ASPA: variants seen among roughly 807,000 people sequenced by gnomAD.
The protein encoded by ASPA is aspartoacylase.
ASPA carries 25 observed loss-of-function variants against 29.6 expected under a neutral mutation model. That is an observed-to-expected ratio of 0.85 (90% CI 0.62 to 1.18). ASPA has a LOEUF of 1.18. ASPA is among the 50% of genes most tolerant of loss of function. ASPA has a pLI of 0.00. For synonymous variants in ASPA, 131 were observed against 130.3 expected (o/e 1.01, Z -0.04); for missense variants, 333 against 385.7 (o/e 0.86, Z 1.14).
In ASPA at chr17:3,500,500, C is replaced by CTTATTTT. The variant is rs2073976258; in HGVS notation, c.*1414_*1415insATTTTTT. The CTTATTTT allele has an allele frequency of 1.6e-4, 3 of 18,428 alleles. No homozygotes were observed. The highest frequency in any genetic ancestry group is 7.9e-4 in the Non-Finnish European group (3 of 3,810). 1.1% of individuals were successfully genotyped at this position (18,428 alleles called of 1,614,324 possible). A position where few individuals can be genotyped will look rare whatever the true frequency, so the allele number is the denominator to read the frequency against. ...TAACTGTTTCAAAAATCCTAAAACTCTTGTTTTTTGTTTTTTTTTTGAGAC... is the reference window on the plus strand; with the variant it reads ...TAACTGTTTCAAAAATCCTAAAACTCTTATTTTTTGTTTTTTGTTTTTTTTTTGAGAC... On this transcript the variant is annotated 3_prime_UTR_variant, in exon 6 of 6. Coordinates refer to ENST00000263080, the MANE Select transcript of ASPA (RefSeq NM_000049.4).
chr17:3,492,665 T>A (rs1029118198), intron 4 of ASPA, among the ~76,000 whole-genome samples: 2 of 152,182 alleles, frequency 1.3e-5, no homozygotes, highest in African/African-American at 4.8e-5. Context: ...TACCATTATG[T>A]ACAACAGCCC....
chr17:3,494,503 G>T (rs1416090922), intron 5 of ASPA, 44 bp downstream of exon 5: 1 of 1,490,032 alleles, frequency 6.7e-7, no homozygotes, highest in Admixed American at 1.7e-5. Context: ...TAATAATGCT[G>T]TACCTTTGAA....
chr17:3,502,158 C>T lies in ASPA; in HGVS notation c.*3070C>T, dbSNP rs1289857534. 3 of 152,224 alleles carry T rather than the reference C, an allele frequency of 2.0e-5. No homozygotes were observed. The highest frequency in any genetic ancestry group is 4.4e-5 in the Non-Finnish European group (3 of 68,044). 9.4% of individuals were successfully genotyped at this position (152,224 alleles called of 1,614,324 possible). On this transcript the variant is annotated 3_prime_UTR_variant, in exon 6 of 6. Coordinates refer to ENST00000263080, the MANE Select transcript of ASPA (RefSeq NM_000049.4). ...CAGCCATCATCAAGGCAAGGCCCTCCACCAGCAAAAAGATCATGAATTGCT... is the reference window on the plus strand; with the variant it reads ...CAGCCATCATCAAGGCAAGGCCCTCTACCAGCAAAAAGATCATGAATTGCT...
In ASPA at chr17:3,489,246, G is replaced by A; in HGVS notation, c.538G>A (p.Gly180Ser). The A allele has an allele frequency of 1.2e-6, 2 of 1,609,150 alleles. No individual in the cohort carries two copies. Among genetic ancestry groups the A allele is most frequent in the Non-Finnish European group, 1.7e-6 (2 of 1,176,618 alleles). The part of the protein sequence containing the change: ...IAKYPVGIEV[G>S]PQPQGVLRAD... ...CCTTCTGTACCTAGGTATAGAAGTT[G>A]GTCCTCAGCCTCAAGGGGTTCTGAG... Residue 180 changes from glycine to serine, a missense_variant, in exon 4 of 6, where the codon GGT (glycine) becomes AGT (serine). Transcript: ENST00000263080.
intron 3 of ASPA, among the ~76,000 whole-genome samples, chr17:3,486,213 C>T (rs1483196932): frequency 6.6e-6 from 1 of 152,140 alleles, no homozygotes; most frequent in Admixed American, 6.5e-5. Context: ...GGATTACAGG[C>T]GTGAGCCACC....
Position 3,476,181 on chromosome 17 carries a change from G to A in ASPA, c.22G>A (p.Glu8Lys), listed in dbSNP as rs771462341. 1.2e-6 allele frequency: 2 copies of A among 1,613,936 alleles called. No individual in the cohort carries two copies. MTSCHIA[E>K]EHIQKVAIFG... ...TGAAATGACTTCTTGTCACATTGCT[G>A]AAGAACATATACAAAAGGTTGCTAT... is the stretch of plus-strand genomic sequence containing the variant. The change falls in exon 1 of 6, where the codon GAA becomes AAA. Residue 8 changes from glutamate to lysine, a missense_variant. By Grantham distance (56) the Glu-to-Lys change is moderately conservative. Transcript: ENST00000263080.
intron 3 of ASPA, among the ~76,000 whole-genome samples, chr17:3,484,063 A>G (rs1223650363): frequency 6.6e-6 from 1 of 152,144 alleles, no homozygotes; most frequent in East Asian, 1.9e-4. Flanking sequence ...ATTGTACCGA[A>G]TTTCCCCAAT....
At chr17:3,484,264 G>A (rs2073682598) in intron 3 of ASPA, among the ~76,000 whole-genome samples, 1 of 152,114 alleles carries the variant, frequency 6.6e-6, no homozygotes, top group South Asian at 2.1e-4. Flanking sequence ...TATTTATAGT[G>A]TGCCTACCAG....
intron 2 of ASPA, among the ~76,000 whole-genome samples, chr17:3,482,913 T>C (rs957272666): frequency 6.6e-5 from 10 of 150,500 alleles, no homozygotes; most frequent in Non-Finnish European, 1.3e-4. Flanking sequence ...TAGCATTAGG[T>C]ATATCTCCTA....
intron 5 of ASPA, among the ~76,000 whole-genome samples, chr17:3,495,599 C>T (rs1003885109): frequency 3.3e-4 from 50 of 152,226 alleles, no homozygotes; most frequent in African/African-American, 1.1e-3. Context: ...GATGGAGTCT[C>T]GCTCTGTCGC....
chr17:3,474,356 C>T (rs2073490412), upstream of ASPA, among the ~76,000 whole-genome samples: 1 of 152,176 alleles, frequency 6.6e-6, no homozygotes, highest in Admixed American at 6.5e-5. Flanking sequence ...ATAACTGAAG[C>T]AGCATTTCCA....
chr17:3,486,766 A>T (rs985956096), intron 3 of ASPA, among the ~76,000 whole-genome samples: 2 of 152,250 alleles, frequency 1.3e-5, no homozygotes, highest in Non-Finnish European at 1.5e-5. Context: ...ATCTAAAATT[A>T]TTCTGGAAAT....
intron 3 of ASPA, among the ~76,000 whole-genome samples, chr17:3,486,084 C>G (rs1420151475): frequency 2.6e-5 from 4 of 152,108 alleles, no homozygotes; most frequent in Non-Finnish European, 4.4e-5. Context: ...AGGTGCCCAC[C>G]ACCATACCCA....
intron 4 of ASPA, among the ~76,000 whole-genome samples, chr17:3,492,612 A>G (rs183004707): frequency 1.1e-3 from 172 of 152,342 alleles, no homozygotes; most frequent in Non-Finnish European, 1.9e-3. Flanking sequence ...GCACTTGCAC[A>G]TTGGAGCTTG....
chr17:3,478,454 C>T (rs1247668212), intron 1 of ASPA, among the ~76,000 whole-genome samples: 1 of 152,176 alleles, frequency 6.6e-6, no homozygotes, highest in Non-Finnish European at 1.5e-5. Context: ...GCTTTATCTT[C>T]ATGACTGAGG....
At chr17:3,475,307 G>A (rs1449749903), upstream of ASPA, 20 of 152,216 alleles carry the variant, frequency 1.3e-4, no homozygotes. Flanking sequence ...ATAAGGCTGT[G>A]TCTATGTAAG....
Position 3,485,494 on chromosome 17 carries a change from C to T in ASPA, c.526+1902C>T, listed in dbSNP as rs2073702952. Among the ~76,000 whole-genome samples, 1 of 152,146 alleles carries T rather than the reference C, an allele frequency of 6.6e-6. No individual in the cohort carries two copies. Among genetic ancestry groups the T allele is most frequent in the Non-Finnish European group, 1.5e-5 (1 of 68,032 alleles). On this transcript the variant is annotated intron_variant, in intron 3 of 5. Coordinates refer to ENST00000263080, the MANE Select transcript of ASPA (RefSeq NM_000049.4). The surrounding 1 kb of genome is among the most constrained non-coding windows in gnomAD (Gnocchi z 4.4). Reference sequence around the variant, plus strand: ...TGCCATTGCACTCCAGCCGGGGCAACAAAAGTGAAACTCCGTCTCAAAAAA... The same window carrying T: ...TGCCATTGCACTCCAGCCGGGGCAATAAAAGTGAAACTCCGTCTCAAAAAA...
At position 3,499,209 on chromosome 17, in the gene ASPA, T is replaced by A; in HGVS notation, c.*121T>A. 1.1e-6 allele frequency: 1 copy of A among 938,722 alleles called. No homozygotes were observed. Among genetic ancestry groups the A allele is most frequent in the Non-Finnish European group, 1.6e-6 (1 of 638,402 alleles). 58.1% of individuals were successfully genotyped at this position (938,722 alleles called of 1,614,324 possible). ...CATAGCTCCTAGCACAGTGCCTTAT[T>A]CGGTAGGCATCTAAGCACATTTCTT... On this transcript the variant is annotated 3_prime_UTR_variant, in exon 6 of 6. Coordinates refer to ENST00000263080, the MANE Select transcript of ASPA (RefSeq NM_000049.4).
chr17:3,496,943 G>A (rs1211257173), intron 5 of ASPA, among the ~76,000 whole-genome samples: 4 of 152,324 alleles, frequency 2.6e-5, no homozygotes, highest in Admixed American at 1.3e-4. Context: ...GCAGGCGCCT[G>A]TAATCCCAGC....
Sources: allele counts gnomAD v4.1 joint callset (sites outside exome capture counted in the v4.1 genomes callset), GRCh38; gene constraint gnomAD v4.1.1; non-coding constraint Gnocchi (gnomAD v3.1); transcripts MANE v1.5; gene names NCBI Gene and HGNC (gene_info 2026-07-23, HGNC 2026-07-21).